The following CSDE1 variants were observed in gnomAD, a reference collection of about 807,000 sequenced individuals.
CSDE1 encodes the protein cold shock domain-containing protein E1.
CSDE1 carries 17 observed loss-of-function variants against 89.3 expected under a neutral mutation model. That is an observed-to-expected ratio of 0.19 (90% CI 0.13 to 0.29). The LOEUF is 0.29. CSDE1 is among the 10% of genes least tolerant of loss of function. CSDE1 has a pLI of 1.00. For missense variants in CSDE1, 672 were observed against 984.2 expected (o/e 0.68, Z 4.24); for synonymous variants, 322 against 332.8 (o/e 0.97, Z 0.35).
At chr1:114,757,739 G>A (rs1661694764) in intron 1 of CSDE1, among the ~76,000 whole-genome samples, 186 bp downstream of exon 1, 1 of 152,100 alleles carries the variant, frequency 6.6e-6, no homozygotes, top group Non-Finnish European at 1.5e-5. Context: ...CTGACATGAG[G>A]CCCAGGCAGT....
At chr1:114,741,738 C>A in intron 2 of CSDE1, 1 of 1,214,072 alleles carries the variant, frequency 8.2e-7, no homozygotes, top group African/African-American at 1.5e-5. Flanking sequence ...ATTTCACAGT[C>A]AATATATATT....
chr1:114,731,187 C>T (rs1356240366), intron 10 of CSDE1, among the ~76,000 whole-genome samples: 2 of 151,120 alleles, frequency 1.3e-5, no homozygotes, highest in East Asian at 3.9e-4. Context: ...ATGGTAGATA[C>T]TCATGTTTAA....
intron 13 of CSDE1, among the ~76,000 whole-genome samples, chr1:114,726,662 G>A (rs1488779052): frequency 6.6e-6 from 1 of 152,234 alleles, no homozygotes; most frequent in East Asian, 1.9e-4. Flanking sequence ...GAGAAAAAAT[G>A]AACAACAACG....
chr1:114,725,386 T>C, intron 14 of CSDE1, 53 bp from the exon 15 acceptor site: 1 of 1,321,976 alleles, frequency 7.6e-7, no homozygotes, highest in Non-Finnish European at 1.1e-6. Flanking sequence ...ACATCAACAG[T>C]AACAGGCAGT....
chr1:114,750,352 A>G (rs1661236974), intron 1 of CSDE1, 145 bp from the exon 2 acceptor site: 1 of 152,180 alleles, frequency 6.6e-6, no homozygotes, highest in Admixed American at 6.5e-5. Flanking sequence ...TGCTCATCTG[A>G]TGTTATTTGG....
intron 2 of CSDE1, among the ~76,000 whole-genome samples, chr1:114,741,901 A>T (rs1660745828): frequency 6.6e-6 from 1 of 152,196 alleles, no homozygotes; most frequent in South Asian, 2.1e-4. Context: ...AAGACTCTTG[A>T]TGGTTGTTGG....
intron 6 of CSDE1, among the ~76,000 whole-genome samples, chr1:114,735,117 AC>A (rs1660327725): frequency 6.6e-6 from 1 of 152,162 alleles, no homozygotes; most frequent in African/African-American, 2.4e-5. Flanking sequence ...AATGATATCC[AC>A]CTCCATTGGA....
chr1:114,718,298 A>T lies in CSDE1; in HGVS notation c.2350-82T>A, dbSNP rs1374036512. The T allele has an allele frequency of 4.1e-6, 6 of 1,461,614 alleles. No individual in the cohort carries two copies. The African/African-American group carries it at 8.5e-5, about 21-fold the overall frequency. 90.5% of individuals were successfully genotyped at this position (1,461,614 alleles called of 1,614,324 possible). On this transcript the variant is annotated intron_variant, in intron 19 of 19. Coordinates refer to ENST00000358528, the MANE Select transcript of CSDE1 (RefSeq NM_001007553.3). ...ATAGTACATTCACTATTCCGAAATG[A>T]AACTACAAAAGCATTATTTTTAATC...
chr1:114,751,039 A>G (rs1661279270), intron 1 of CSDE1, among the ~76,000 whole-genome samples: 1 of 152,226 alleles, frequency 6.6e-6, no homozygotes, highest in South Asian at 2.1e-4. Context: ...TGACAGGTGT[A>G]GCGGAGCCCG....
chr1:114,735,891 G>C (rs902852286), intron 6 of CSDE1, among the ~76,000 whole-genome samples: 1 of 152,016 alleles, frequency 6.6e-6, no homozygotes, highest in Non-Finnish European at 1.5e-5. Context: ...ATAGACCTTA[G>C]ACTTAATAGG....
chr1:114,722,974 T>C lies in CSDE1; in HGVS notation c.1873+909A>G, dbSNP rs373278943. Among the ~76,000 whole-genome samples, 32 of 152,354 alleles carry C rather than the reference T, an allele frequency of 2.1e-4. No individual in the cohort carries two copies. The East Asian group carries it at 5.4e-3, about 26-fold the overall frequency. On this transcript the variant is annotated intron_variant, in intron 16 of 19. Transcript: ENST00000358528. The stretch of plus-strand genomic sequence containing the variant: ...ACTCTTAGATGATGCAAGGACTTTA[T>C]TCTCTTTGTAAACCAAGCCATCATC...
At position 114,720,454 on chromosome 1, in the gene CSDE1, T is replaced by G. The variant is rs74113528; in HGVS notation, c.2052+85A>C. 2.4e-3 allele frequency: 3,063 copies of G among 1,277,052 alleles called. 55 individuals carry two copies. In the African/African-American group the frequency reaches 0.041, roughly 17 times the overall value. The allele number at this position is 1,277,052 out of a possible 1,614,324, so 79.1% of individuals were successfully genotyped here. A position where few individuals can be genotyped will look rare whatever the true frequency, so the allele number is the denominator to read the frequency against. On this transcript the variant is annotated intron_variant, in intron 17 of 19. Transcript: ENST00000358528. ...TAAAAAAACGAATGAATGTTGATGA[T>G]TTCCCCTTGGCTGAAAATATTTGAA...
In CSDE1 at chr1:114,718,650, A is replaced by G; in HGVS notation, c.2312T>C (p.Met771Thr). 2 of 1,614,202 alleles carry G rather than the reference A, an allele frequency of 1.2e-6. No homozygotes were observed. The highest frequency in any genetic ancestry group is 1.7e-6 in the Non-Finnish European group (2 of 1,180,040). The change falls in exon 19 of 20, where the codon ATG becomes ACG. Residue 771 changes from methionine to threonine, a missense_variant. Transcript: ENST00000358528. ...TLDDASAPRL[M>T]VLRQPRGPDN... ...TGGTCCCCTTGGCTGACGAAGAACC[A>G]TTAGGCGAGGAGCACTGGCATCATC...
intron 2 of CSDE1, among the ~76,000 whole-genome samples, chr1:114,749,059 C>A (rs190352074): frequency 6.6e-6 from 1 of 152,176 alleles, no homozygotes; most frequent in African/African-American, 2.4e-5. Flanking sequence ...TGTGCTTTCA[C>A]GTAGCCCTGA....
At chr1:114,746,523 T>A (rs1661019506) in intron 2 of CSDE1, 1 of 152,192 alleles carries the variant, frequency 6.6e-6, no homozygotes, top group South Asian at 2.1e-4. Flanking sequence ...AGTTTATCTT[T>A]TAATCATTCA....
At chr1:114,753,126 T>C (rs2101093491) in intron 1 of CSDE1, among the ~76,000 whole-genome samples, 1 of 152,358 alleles carries the variant, frequency 6.6e-6, no homozygotes. Flanking sequence ...ATATTGGTTT[T>C]ATCTTAATGC....
chr1:114,754,912 A>T (rs991650821), intron 1 of CSDE1, among the ~76,000 whole-genome samples: 1 of 152,238 alleles, frequency 6.6e-6, no homozygotes, highest in Admixed American at 6.5e-5. Context: ...CAGTGTGGGA[A>T]GATGCTGAAG....
chr1:114,724,167 G>C, intron 15 of CSDE1, 165 bp from the exon 16 acceptor site: 1 of 558,662 alleles, frequency 1.8e-6, no homozygotes, highest in African/African-American at 1.9e-5. Flanking sequence ...TAGAACAGCT[G>C]CTGGACTTTA....
In CSDE1 at chr1:114,732,933, A is replaced by G. The variant is rs186888298; in HGVS notation, c.838-117T>C. ...TTTTTAACTTAGTTCCCTGAAGCGA[A>G]AAAAGGTGTTGACAACATAAGTCCA... On this transcript the variant is annotated intron_variant, in intron 9 of 19. Coordinates refer to ENST00000358528, the MANE Select transcript of CSDE1 (RefSeq NM_001007553.3). 10 of 835,440 alleles carry G rather than the reference A, an allele frequency of 1.2e-5. No individual in the cohort carries two copies. The East Asian group carries it at 2.5e-4, about 21-fold the overall frequency. 51.8% of individuals were successfully genotyped at this position (835,440 alleles called of 1,614,324 possible).
Sources: allele counts gnomAD v4.1 joint callset (sites outside exome capture counted in the v4.1 genomes callset), GRCh38; gene constraint gnomAD v4.1.1; transcripts MANE v1.5; gene names NCBI Gene and HGNC (gene_info 2026-07-23, HGNC 2026-07-21).